SVEP1: variants seen among roughly 807,000 people sequenced by gnomAD.
The protein encoded by SVEP1 is sushi, von Willebrand factor type A, EGF and pentraxin domain-containing protein 1.
A neutral mutation model predicts 367.3 loss-of-function variants in SVEP1; 164 were observed. The observed-to-expected ratio is 0.45, with a 90% CI of 0.39 to 0.51. The LOEUF is 0.51. SVEP1 is among the 20% of genes least tolerant of loss of function. The pLI is 0.00. For missense variants in SVEP1, 4,117 were observed against 4,425.3 expected (o/e 0.93, Z 1.98); for synonymous variants, 1,666 against 1,611.6 (o/e 1.03, Z -0.81).
chr9:110,474,246 C>A (rs1405200578), intron 14 of SVEP1, among the ~76,000 whole-genome samples: 1 of 152,112 alleles, frequency 6.6e-6, no homozygotes, highest in Non-Finnish European at 1.5e-5. Context: ...GTGATCTGCC[C>A]ACCTCAGCCT....
At chr9:110,403,154 C>G (rs1827888758) in intron 39 of SVEP1, among the ~76,000 whole-genome samples, 1 of 151,902 alleles carries the variant, frequency 6.6e-6, no homozygotes, top group Non-Finnish European at 1.5e-5. Context: ...GCTTTTAATC[C>G]CCTGACACCA....
chr9:110,377,435 G>T (rs1827365790), intron 44 of SVEP1, 69 bp from the exon 45 acceptor site: 3 of 1,401,908 alleles, frequency 2.1e-6, no homozygotes, highest in African/African-American at 1.4e-5. Flanking sequence ...AAATAGAATT[G>T]CCCCTTTATA....
At position 110,369,915 on chromosome 9, in the gene SVEP1, T is replaced by C; in HGVS notation, c.10694+8A>G. The C allele has an allele frequency of 6.2e-7, 1 of 1,609,758 alleles. No homozygotes were observed. The highest frequency in any genetic ancestry group is 8.5e-7 in the Non-Finnish European group (1 of 1,177,980). ...TTATAGGCGAACATTAGTTTTTGGTTATCTTACCTGGAACAGTTATGTCCC... is the reference window on the plus strand; with the variant it reads ...TTATAGGCGAACATTAGTTTTTGGTCATCTTACCTGGAACAGTTATGTCCC... On this transcript the variant is annotated splice_region_variant and intron_variant, in intron 47 of 47. Transcript: ENST00000374469.
rs928347718 is a variant in SVEP1, at chr9:110,525,706, T to C, written c.965-11600A>G. On this transcript the variant is annotated intron_variant, in intron 3 of 47. Transcript: ENST00000374469. The stretch of plus-strand genomic sequence containing the variant: ...AATAATCAAGACTATGCAGTATTGA[T>C]AGATCAACAGAACAGAAGAGCAATC... Among the ~76,000 whole-genome samples the C allele has an allele frequency of 6.6e-5, 10 of 152,060 alleles. No homozygotes were observed. In the South Asian group the frequency reaches 1.4e-3, roughly 22 times the overall value.
At chr9:110,568,233 T>C (rs939339434) in intron 1 of SVEP1, among the ~76,000 whole-genome samples, 1 of 152,208 alleles carries the variant, frequency 6.6e-6, no homozygotes, top group Non-Finnish European at 1.5e-5. Flanking sequence ...TCCAGCTCAC[T>C]TCTTCTTCCA....
At chr9:110,401,840 G>C (rs1471411845) in intron 39 of SVEP1, among the ~76,000 whole-genome samples, 2 of 152,008 alleles carry the variant, frequency 1.3e-5, no homozygotes, top group Non-Finnish European at 2.9e-5. Flanking sequence ...CTTGAAGATT[G>C]TTATTCTATT....
intron 36 of SVEP1, among the ~76,000 whole-genome samples, chr9:110,423,636 C>A (rs972106480): frequency 2.0e-5 from 3 of 151,972 alleles, no homozygotes; most frequent in African/African-American, 7.2e-5. Context: ...CCCTAAAGGA[C>A]TCTAAAGGAA....
chr9:110,407,273 T>C lies in SVEP1; in HGVS notation c.8327A>G (p.Lys2776Arg). ...ASPRCEAISCKKPNPVMNGSI... is the reference protein window; with the variant it reads ...ASPRCEAISCRKPNPVMNGSI... ...TCCATTCATGACTGGATTTGGCTTTTTGCATGAAATGGCTTCACAGCGTGG... is the reference window on the plus strand; with the variant it reads ...TCCATTCATGACTGGATTTGGCTTTCTGCATGAAATGGCTTCACAGCGTGG... The change falls in exon 38 of 48, where the codon AAA (lysine) becomes AGA (arginine). Residue 2776 changes from lysine to arginine, a missense_variant. Coordinates refer to ENST00000374469, the MANE Select transcript of SVEP1 (RefSeq NM_153366.4). 1 of 1,614,004 alleles carries C rather than the reference T, an allele frequency of 6.2e-7. No homozygotes were observed. The highest frequency in any genetic ancestry group is 8.5e-7 in the Non-Finnish European group (1 of 1,179,898).
intron 2 of SVEP1, among the ~76,000 whole-genome samples, chr9:110,548,015 C>T (rs1002189101): frequency 1.3e-5 from 2 of 152,190 alleles, no homozygotes; most frequent in African/African-American, 2.4e-5. Flanking sequence ...GAAGTCTCCA[C>T]TCCTAGAAGA....
chr9:110,513,880 C>T, intron 4 of SVEP1, 68 bp downstream of exon 4: 1 of 1,503,116 alleles, frequency 6.7e-7, no homozygotes, highest in Non-Finnish European at 9.0e-7. Context: ...TAGGTGCAAA[C>T]ACAAGCACTA....
At chr9:110,513,829 A>C in intron 4 of SVEP1, 119 bp downstream of exon 4, 1 of 1,221,154 alleles carries the variant, frequency 8.2e-7, no homozygotes, top group Non-Finnish European at 1.1e-6. Flanking sequence ...CCCAAAAAAT[A>C]TGATTAGAGA....
intron 46 of SVEP1, 97 bp downstream of exon 46, chr9:110,375,271 T>C: frequency 9.2e-7 from 1 of 1,083,236 alleles, no homozygotes; most frequent in Non-Finnish European, 1.3e-6. Context: ...ACTTTTTCAT[T>C]TTGCCACCAC....
chr9:110,393,270 CT>C (rs1335284470), intron 40 of SVEP1, among the ~76,000 whole-genome samples: 9 of 152,142 alleles, frequency 5.9e-5, no homozygotes, highest in Non-Finnish European at 1.3e-4. Context: ...ATATTATCAT[CT>C]TTTTTGAGGA....
intron 35 of SVEP1, among the ~76,000 whole-genome samples, chr9:110,428,797 A>AC (rs1227208246): frequency 6.6e-6 from 1 of 152,180 alleles, no homozygotes; most frequent in Admixed American, 6.5e-5. Context: ...GAATACAGGC[A>AC]CGGTGGCTCA....
In SVEP1 at chr9:110,406,907, G is replaced by C. The variant is rs766341212; in HGVS notation, c.8693C>G (p.Ala2898Gly). 2.0e-5 allele frequency: 32 copies of C among 1,613,818 alleles called. No individual in the cohort carries two copies. The highest frequency in any genetic ancestry group is 2.5e-5 in the Non-Finnish European group (30 of 1,179,890). The change falls in exon 38 of 48, where the codon GCC becomes GGC. Residue 2898 changes from alanine to glycine, a missense_variant. Physicochemically the swap from Ala to Gly is moderately conservative, Grantham distance 60. Around this residue, in one of 4 missense-constraint regions of SVEP1, gnomAD observed 1,765 missense variants for 1,781.1 expected, o/e 0.99. Transcript: ENST00000374469. The stretch of plus-strand genomic sequence containing the variant: ...GTCCAGGCCTTCCGTCACCCCATTG[G>C]CCAGTTGTGGCGGGGTGGCACATCT... ...PVRCATPPQL[A>G]NGVTEGLDYG...
chr9:110,467,452 C>A (rs1828954582), intron 17 of SVEP1, among the ~76,000 whole-genome samples: 2 of 152,048 alleles, frequency 1.3e-5, no homozygotes, highest in South Asian at 4.2e-4. Context: ...TGTGTCTCTG[C>A]CCAAATCTCA....
chr9:110,404,441 C>A lies in SVEP1; in HGVS notation c.9552G>T (p.Pro3184=). Reference sequence around the variant, plus strand: ...GTACAAGTATATGTGTTATGTTTTCCGGGAGAGGACATTTTTTAGGACTGC... The same window carrying A: ...GTACAAGTATATGTGTTATGTTTTCAGGGAGAGGACATTTTTTAGGACTGC... ...ISCSPKKCPL[P]ENITHILVHG... is the part of the protein sequence containing the mutation. Residue 3184 remains proline (P), a synonymous_variant, in exon 39 of 48, where the codon CCG becomes CCT. Transcript: ENST00000374469. 2 of 1,613,926 alleles carry A rather than the reference C, an allele frequency of 1.2e-6. No homozygotes were observed. The highest frequency in any genetic ancestry group is 8.5e-7 in the Non-Finnish European group (1 of 1,179,876).
intron 40 of SVEP1, among the ~76,000 whole-genome samples, chr9:110,400,405 C>A (rs964763456): frequency 1.3e-5 from 2 of 151,752 alleles, no homozygotes; most frequent in Non-Finnish European, 2.9e-5. Context: ...TCACTCTTGC[C>A]TCCCAGGCTG....
At chr9:110,395,837 A>T (rs1379187784) in intron 40 of SVEP1, among the ~76,000 whole-genome samples, 1 of 152,156 alleles carries the variant, frequency 6.6e-6, no homozygotes, top group Non-Finnish European at 1.5e-5. Flanking sequence ...ATACAGGAGC[A>T]CCCAGATTCA....
Sources: gnomAD v4.1 joint callset for allele counts (sites outside exome capture counted in the v4.1 genomes callset) on GRCh38, gnomAD v4.1.1 for gene constraint, gnomAD v4.1.1 regional missense constraint, MANE v1.5 for transcripts, NCBI Gene and HGNC (gene_info 2026-07-23, HGNC 2026-07-21) for gene names.